Variants in CRISP3 observed in about 807,000 individuals in gnomAD.
CRISP3 encodes the protein cysteine-rich secretory protein 3.
Under a neutral mutation model 36.1 loss-of-function variants are expected in CRISP3, and 33 were observed. That is an observed-to-expected ratio of 0.91 (90% CI 0.69 to 1.22). CRISP3 has a LOEUF of 1.22. CRISP3 is among the 50% of genes most tolerant of loss of function. The probability of loss-of-function intolerance (pLI) is 0.00; values close to 1 mark genes in which losing one functional copy is unlikely to be tolerated. For synonymous variants in CRISP3, 117 were observed against 104.6 expected (o/e 1.12, Z -0.72); for missense variants, 330 against 301.2 (o/e 1.10, Z -0.71).
chr6:49,741,367 A>G (rs1381450475), intron 1 of CRISP3, among the ~76,000 whole-genome samples: 1 of 152,020 alleles, frequency 6.6e-6, no homozygotes, highest in Non-Finnish European at 1.5e-5. Context: ...GACTCATAAA[A>G]GACGTAAGAA....
intron 6 of CRISP3, among the ~76,000 whole-genome samples, chr6:49,731,555 C>T (rs940403642): frequency 6.6e-6 from 1 of 152,076 alleles, no homozygotes; most frequent in African/African-American, 2.4e-5. Context: ...CAACAGACTT[C>T]GTCAAATTGC....
rs1768833285 is a variant in CRISP3 at position 49,728,678 on chromosome 6, G to T, written c.*52C>A. On this transcript the variant is annotated 3_prime_UTR_variant, in exon 8 of 8. Coordinates refer to ENST00000263045, the MANE Select transcript of CRISP3 (RefSeq NM_006061.4). ...AAATCTAAGTAGATGCCAAATCTAA[G>T]TAGATAATCTGACTCCTCTCTACAT... 6.9e-7 allele frequency: 1 copy of T among 1,456,974 alleles called. No individual in the cohort carries two copies. Among genetic ancestry groups the T allele is most frequent in the Non-Finnish European group, 9.1e-7 (1 of 1,092,932 alleles). The allele number at this position is 1,456,974 out of a possible 1,614,324, so 90.3% of individuals were successfully genotyped here.
intron 3 of CRISP3, 23 bp from the exon 4 acceptor site, chr6:49,735,614 A>T: frequency 6.3e-7 from 1 of 1,580,586 alleles, no homozygotes; most frequent in South Asian, 1.1e-5. Context: ...CAGAAAAAAG[A>T]TATCCACTTA....
rs560964560 is a variant in CRISP3, at chr6:49,742,330, A to C, written c.37+2001T>G. On this transcript the variant is annotated intron_variant, in intron 1 of 7. Coordinates refer to ENST00000263045, the MANE Select transcript of CRISP3 (RefSeq NM_006061.4). ...TTAAGTGGCTTATGAATAACTGAGT[A>C]AACTTTTAAAAGAAGAATTGCTTGG... is the stretch of plus-strand genomic sequence containing the variant. Among the ~76,000 whole-genome samples the C allele has an allele frequency of 1.1e-4, 16 of 152,286 alleles. No homozygotes were observed. In the East Asian group the frequency reaches 3.1e-3, roughly 29 times the overall value.
intron 1 of CRISP3, among the ~76,000 whole-genome samples, chr6:49,743,715 A>G (rs917287083): frequency 3.9e-5 from 6 of 152,146 alleles, no homozygotes; most frequent in South Asian, 2.1e-4. Context: ...GATAGATATT[A>G]TATTTAAATT....
At chr6:49,731,134 T>A in intron 7 of CRISP3, 29 bp downstream of exon 7, 2 of 1,431,284 alleles carry the variant, frequency 1.4e-6, no homozygotes, top group Non-Finnish European at 9.7e-7. Context: ...CATTTTATTT[T>A]ATTATCAAGT....
chr6:49,734,048 T>A (rs911047418), intron 4 of CRISP3, among the ~76,000 whole-genome samples, 200 bp from the exon 5 acceptor site: 1 of 152,196 alleles, frequency 6.6e-6, no homozygotes, highest in Non-Finnish European at 1.5e-5. Flanking sequence ...GAAGCCAGAT[T>A]TGCCCAATAC....
At chr6:49,733,659 T>C in intron 5 of CRISP3, 44 bp downstream of exon 5, 1 of 1,543,134 alleles carries the variant, frequency 6.5e-7, no homozygotes, top group South Asian at 1.2e-5. Flanking sequence ...CCTTTTTTTT[T>C]AGGGCACTTA....
chr6:49,732,640 G>A (rs1768943571), intron 6 of CRISP3, among the ~76,000 whole-genome samples: 1 of 152,088 alleles, frequency 6.6e-6, no homozygotes, highest in South Asian at 2.1e-4. Context: ...AAAAATTTAA[G>A]ACATTATCTT....
intron 1 of CRISP3, among the ~76,000 whole-genome samples, chr6:49,737,886 T>C (rs1402520393): frequency 6.6e-6 from 1 of 152,220 alleles, no homozygotes; most frequent in Non-Finnish European, 1.5e-5. Flanking sequence ...GCCAGTTCTT[T>C]TCCGTCAGGG....
chr6:49,728,852 C>A lies in CRISP3; in HGVS notation c.655G>T (p.Gly219Cys). 6.2e-7 allele frequency: 1 copy of A among 1,605,348 alleles called. No homozygotes were observed. The highest frequency in any genetic ancestry group is 8.5e-7 in the Non-Finnish European group (1 of 1,176,172). ...CTATAGAGATCTTCGTACTTGCAAC[C>A]ATTGGCTGGAATAAAAACAAAGAAA... ...DNCDDGLCTN[G>C]CKYEDLYSNC... The change falls in exon 8 of 8, where the codon GGT becomes TGT. Residue 219 changes from glycine (G) to cysteine (C), a missense_variant. Gly to Cys is a radical substitution (Grantham distance 159). Coordinates refer to ENST00000263045, the MANE Select transcript of CRISP3 (RefSeq NM_006061.4).
At position 49,727,718 on chromosome 6, in the gene CRISP3, T is replaced by C. The variant is rs1768801603; in HGVS notation, c.*1012A>G. The stretch of plus-strand genomic sequence containing the variant: ...CCTTATTTTCCATGATTTTTACAGT[T>C]TTGAGGAATACTCTAAAATACCCCA... On this transcript the variant is annotated 3_prime_UTR_variant, in exon 8 of 8. Coordinates refer to ENST00000263045, the MANE Select transcript of CRISP3 (RefSeq NM_006061.4). 1 of 152,160 alleles carries C rather than the reference T, an allele frequency of 6.6e-6. No individual in the cohort carries two copies. Among genetic ancestry groups the C allele is most frequent in the African/African-American group, 2.4e-5 (1 of 41,460 alleles). 9.4% of individuals were successfully genotyped at this position (152,160 alleles called of 1,614,324 possible).
intron 1 of CRISP3, among the ~76,000 whole-genome samples, chr6:49,744,018 G>T (rs927359180): frequency 6.6e-6 from 1 of 152,056 alleles, no homozygotes; most frequent in African/African-American, 2.4e-5. Context: ...ATTAAAAATA[G>T]TTCTAGTACA....
At chr6:49,732,879 A>G (rs910741404) in intron 6 of CRISP3, among the ~76,000 whole-genome samples, 1 of 152,200 alleles carries the variant, frequency 6.6e-6, no homozygotes, top group African/African-American at 2.4e-5. Context: ...CTTAGCATGA[A>G]CTGATAAAAT....
intron 1 of CRISP3, among the ~76,000 whole-genome samples, chr6:49,743,431 A>G (rs1769256869): frequency 1.3e-5 from 2 of 152,192 alleles, no homozygotes. Flanking sequence ...TCATACAGGC[A>G]GACATTCTAG....
intron 1 of CRISP3, among the ~76,000 whole-genome samples, chr6:49,740,493 G>A (rs951151024): frequency 6.1e-5 from 9 of 147,696 alleles, no homozygotes; most frequent in Non-Finnish European, 1.0e-4. Flanking sequence ...AGGGAAACAG[G>A]GATTCCAAGA....
chr6:49,741,611 GT>G (rs375461364), intron 1 of CRISP3, among the ~76,000 whole-genome samples: 14,326 of 112,984 alleles, frequency 0.13, 802 homozygotes, highest in South Asian at 0.21. Context: ...CCTGTATGTA[GT>G]TTTTTTTTTT....
intron 2 of CRISP3, 100 bp downstream of exon 2, chr6:49,737,225 C>G (rs917440716): frequency 1.2e-5 from 10 of 867,092 alleles, no homozygotes; most frequent in Non-Finnish European, 1.7e-5. Context: ...TATGATGTAC[C>G]AGACACTCTA....
intron 2 of CRISP3, among the ~76,000 whole-genome samples, chr6:49,736,956 G>A (rs896024478): frequency 1.3e-5 from 2 of 152,086 alleles, no homozygotes; most frequent in Non-Finnish European, 2.9e-5. Flanking sequence ...TAGAAAAAAT[G>A]CTTAGGCTCA....
Sources: gnomAD v4.1 joint callset for allele counts (sites outside exome capture counted in the v4.1 genomes callset) on GRCh38, gnomAD v4.1.1 for gene constraint, MANE v1.5 for transcripts, NCBI Gene and HGNC (gene_info 2026-07-23, HGNC 2026-07-21) for gene names.